Variants in DNAH6 observed in about 807,000 individuals in gnomAD.
The protein encoded by DNAH6 is dynein axonemal heavy chain 6, also known as axonemal beta dynein heavy chain 6.
A neutral mutation model predicts 491.4 loss-of-function variants in DNAH6; 340 were observed. The observed-to-expected ratio is 0.69, with a 90% CI of 0.63 to 0.76. The LOEUF is 0.76. Ranked by LOEUF, DNAH6 falls within the 30% of genes least tolerant of loss-of-function variation. DNAH6 has a pLI of 0.00. For synonymous variants in DNAH6, 1,603 were observed against 1,686.1 expected, an observed-to-expected ratio of 0.95 and a Z score of 1.21; for missense variants, 4,443 against 4,972.2, an observed-to-expected ratio of 0.89 and a Z score of 3.20.
At chr2:84,774,459 T>A (rs969080878) in intron 64 of DNAH6, among the ~76,000 whole-genome samples, 1 of 152,142 alleles carries the variant, frequency 6.6e-6, no homozygotes, top group African/African-American at 2.4e-5. Flanking sequence ...CTGCTTTGGT[T>A]ACTGTAGCCT....
intron 7 of DNAH6, 27 bp downstream of exon 7, chr2:84,547,639 A>G (rs367544135): frequency 6.1e-5 from 94 of 1,540,042 alleles, no homozygotes; most frequent in Middle Eastern, 1.7e-4. Flanking sequence ...ACCTCAATAT[A>G]TCAGAAGTGG....
intron 4 of DNAH6, among the ~76,000 whole-genome samples, chr2:84,533,273 A>T (rs1206726696): frequency 6.6e-6 from 1 of 152,164 alleles, no homozygotes; most frequent in Non-Finnish European, 1.5e-5. Context: ...GCACTTTTCC[A>T]TGGTCATACA....
In DNAH6 at chr2:84,590,531, A is replaced by T. The variant is rs561489755; in HGVS notation, c.2610+1577A>T. Among the ~76,000 whole-genome samples, 25 of 149,640 alleles carry T rather than the reference A, an allele frequency of 1.7e-4. 1 individual carries two copies. In the East Asian group the frequency reaches 4.8e-3, roughly 28 times the overall value. Reference sequence around the variant, plus strand: ...AAAAAAAAAAAAAGCTACAACTCACATGTGAGCACTCCTTGAGCAAGAAAG... The same window carrying T: ...AAAAAAAAAAAAAGCTACAACTCACTTGTGAGCACTCCTTGAGCAAGAAAG... On this transcript the variant is annotated intron_variant, in intron 16 of 76. Coordinates refer to ENST00000389394, the MANE Select transcript of DNAH6 (RefSeq NM_001370.2).
intron 4 of DNAH6, among the ~76,000 whole-genome samples, chr2:84,531,065 T>C (rs78421433): frequency 0.011 from 1,744 of 152,122 alleles, 33 homozygotes; most frequent in African/African-American, 0.04. Context: ...TGTACATGGG[T>C]TCAGTCTGGA....
At chr2:84,592,304 C>T (rs59544189) in intron 16 of DNAH6, among the ~76,000 whole-genome samples, 2,171 of 152,028 alleles carry the variant, frequency 0.014, 52 homozygotes, top group African/African-American at 0.05. Flanking sequence ...GAACATTTCT[C>T]TAAAGAAGAC....
chr2:84,663,792 T>C (rs947207158), intron 37 of DNAH6, among the ~76,000 whole-genome samples: 6 of 152,022 alleles, frequency 3.9e-5, no homozygotes, highest in African/African-American at 1.4e-4. Context: ...AGACACACAA[T>C]TGTCAGATTC....
At chr2:84,791,929 T>C (rs780436846) in intron 68 of DNAH6, among the ~76,000 whole-genome samples, 5 of 152,232 alleles carry the variant, frequency 3.3e-5, no homozygotes, top group Non-Finnish European at 7.3e-5. Flanking sequence ...TACCAAAAGC[T>C]GATGGAGATA....
intron 39 of DNAH6, among the ~76,000 whole-genome samples, chr2:84,671,362 C>T (rs910883981): frequency 5.3e-5 from 8 of 152,130 alleles, no homozygotes; most frequent in African/African-American, 1.7e-4. Flanking sequence ...CCCTCACTCT[C>T]CAGCAGTCCA....
chr2:84,522,727 T>A (rs1676266579), intron 2 of DNAH6, among the ~76,000 whole-genome samples: 1 of 151,888 alleles, frequency 6.6e-6, no homozygotes, highest in Non-Finnish European at 1.5e-5. Flanking sequence ...GATAATCATG[T>A]TTTTTTTGTC....
At chr2:84,675,137 C>T (rs1693109292) in intron 40 of DNAH6, among the ~76,000 whole-genome samples, 1 of 152,110 alleles carries the variant, frequency 6.6e-6, no homozygotes, top group African/African-American at 2.4e-5. Flanking sequence ...CCAGTGTGAG[C>T]TCCTCTTTCA....
chr2:84,631,270 A>G (rs2104451169), intron 29 of DNAH6, among the ~76,000 whole-genome samples: 1 of 152,194 alleles, frequency 6.6e-6, no homozygotes, highest in East Asian at 1.9e-4. Flanking sequence ...ATAATCTAAT[A>G]TCCCCCTCTC....
chr2:84,740,192 T>A (rs1383006235), intron 62 of DNAH6, among the ~76,000 whole-genome samples: 1 of 152,188 alleles, frequency 6.6e-6, no homozygotes, highest in Non-Finnish European at 1.5e-5. Context: ...ATGCAGTGAC[T>A]TTCTCAGAGG....
At chr2:84,600,355 A>G (rs1464533559) in intron 18 of DNAH6, among the ~76,000 whole-genome samples, 1 of 152,192 alleles carries the variant, frequency 6.6e-6, no homozygotes, top group Non-Finnish European at 1.5e-5. Flanking sequence ...GTCACCACTA[A>G]TGTACCAATG....
rs1384364439 is a variant in DNAH6, at chr2:84,601,606, T to C, written c.2869-2733T>C. Among the ~76,000 whole-genome samples the C allele has an allele frequency of 5.3e-5, 8 of 149,962 alleles. No homozygotes were observed. In the East Asian group the frequency reaches 1.6e-3, roughly 30 times the overall value. ...TTTAACTTATCTGTGTTTTTATATT[T>C]AGAATAGGTTTTTTTAGATAGCATA... On this transcript the variant is annotated intron_variant, in intron 18 of 76. Transcript: ENST00000389394.
chr2:84,703,216 C>G (rs983723446), intron 49 of DNAH6, among the ~76,000 whole-genome samples, 179 bp from the exon 50 acceptor site: 1 of 152,354 alleles, frequency 6.6e-6, no homozygotes, highest in Admixed American at 6.5e-5. Flanking sequence ...ATGGCCATTT[C>G]TAGAGTTCCA....
At chr2:84,503,081 T>C in the DNAH6 span, among the ~76,000 whole-genome samples, 1 of 152,134 alleles carries the variant, frequency 6.6e-6, no homozygotes, top group Admixed American at 6.5e-5. Context: ...CTTCTTTCTT[T>C]CCTGTCTTCC....
intron 10 of DNAH6, among the ~76,000 whole-genome samples, chr2:84,556,963 T>C (rs1451079554): frequency 6.6e-6 from 1 of 152,240 alleles, no homozygotes; most frequent in African/African-American, 2.4e-5. Flanking sequence ...TTTTGAACCT[T>C]AAGGGTTTCT....
intron 54 of DNAH6, among the ~76,000 whole-genome samples, 200 bp downstream of exon 54, chr2:84,707,916 C>T (rs993880427): frequency 1.3e-5 from 2 of 152,214 alleles, no homozygotes; most frequent in Non-Finnish European, 2.9e-5. Flanking sequence ...ACACGTTCCT[C>T]CCTTTCCTTC....
chr2:84,739,336 A>C (rs935926529), intron 62 of DNAH6, among the ~76,000 whole-genome samples: 2 of 152,072 alleles, frequency 1.3e-5, no homozygotes, highest in African/African-American at 4.8e-5. Context: ...GGGAATTGTC[A>C]TCTTGTGTAG....
Sources: allele counts gnomAD v4.1 joint callset (sites outside exome capture counted in the v4.1 genomes callset), GRCh38; gene constraint gnomAD v4.1.1; transcripts MANE v1.5; gene names NCBI Gene and HGNC (gene_info 2026-07-23, HGNC 2026-07-21).